Variants in WWOX observed in about 807,000 individuals in gnomAD.
WWOX encodes WW domain-containing oxidoreductase.
In WWOX, 69 loss-of-function variants were observed where a neutral mutation model predicts 46.2. The observed-to-expected ratio is 1.49, with a 90% CI of 1.23 to 1.82. WWOX has a LOEUF of 1.82. Among genes scored for constraint, WWOX ranks in the 40% most tolerant of loss-of-function variants. WWOX has a pLI of 0.00. For missense variants in WWOX, 919 were observed against 542.6 expected, an observed-to-expected ratio of 1.69 and a Z score of -6.89; for synonymous variants, 359 against 202.6, an observed-to-expected ratio of 1.77 and a Z score of -6.56.
chr16:78,747,875 G>C (rs1203571348), intron 8 of WWOX, among the ~76,000 whole-genome samples: 5 of 152,224 alleles, frequency 3.3e-5, no homozygotes, highest in African/African-American at 1.2e-4. Context: ...CTCTGCCTCA[G>C]TTTTTCCACC....
chr16:78,930,107 C>T (rs981644385), intron 8 of WWOX, among the ~76,000 whole-genome samples: 1 of 151,914 alleles, frequency 6.6e-6, no homozygotes, highest in Non-Finnish European at 1.5e-5. Context: ...CCCTTCCTGC[C>T]GTCTGGGATG....
rs1211493153 is a variant in WWOX, at chr16:78,345,813, G to T, written c.517-41047G>T. 5.1e-5 allele frequency among the ~76,000 whole-genome samples: 6 copies of T among 118,644 alleles called. 2 individuals carry two copies. Among genetic ancestry groups the T allele is most frequent in the Non-Finnish European group, 1.2e-4 (6 of 50,130 alleles). 77.8% of individuals were successfully genotyped at this position (118,644 alleles called of 152,430 possible). A position where few individuals can be genotyped will look rare whatever the true frequency, so the allele number is the denominator to read the frequency against. On this transcript the variant is annotated intron_variant, in intron 5 of 8. Transcript: ENST00000566780. ...ATATTTTTTAAAGGAAAAATTTGAG[G>T]CATTGACACATGCCTTTTGCTTACT...
chr16:78,730,617 A>ATTTTT (rs536906826), intron 8 of WWOX, among the ~76,000 whole-genome samples: 4,080 of 122,844 alleles, frequency 0.033, 180 homozygotes, highest in Admixed American at 0.12. Context: ...ACGCCCGGCA[A>ATTTTT]TTTTTTTTTT....
intron 8 of WWOX, among the ~76,000 whole-genome samples, chr16:79,091,149 G>A (rs932412630): frequency 6.6e-6 from 1 of 152,176 alleles, no homozygotes; most frequent in Admixed American, 6.5e-5. Flanking sequence ...ATTTGGTTCT[G>A]CCCAGTGACC....
At chr16:79,168,189 C>T (rs1237722825) in intron 8 of WWOX, among the ~76,000 whole-genome samples, 1 of 152,136 alleles carries the variant, frequency 6.6e-6, no homozygotes, top group African/African-American at 2.4e-5. Flanking sequence ...TTGCCATAAA[C>T]ATTTGTATAC....
intron 8 of WWOX, among the ~76,000 whole-genome samples, chr16:78,880,716 G>T (rs1367842090): frequency 6.6e-6 from 1 of 152,216 alleles, no homozygotes; most frequent in Non-Finnish European, 1.5e-5. Context: ...GTTCACATAA[G>T]TGTGAGTGAC....
At chr16:78,304,513 T>C (rs569602871) in intron 5 of WWOX, among the ~76,000 whole-genome samples, 9 of 152,304 alleles carry the variant, frequency 5.9e-5, no homozygotes, top group African/African-American at 2.2e-4. Flanking sequence ...CTTAGTAAAA[T>C]GTCTGCAGGG....
At chr16:78,126,712 C>T (rs2033377144) in intron 4 of WWOX, among the ~76,000 whole-genome samples, 3 of 152,174 alleles carry the variant, frequency 2.0e-5, no homozygotes, top group Admixed American at 2.0e-4. Flanking sequence ...CTTTTAAGCA[C>T]ACATCTTGTC....
intron 8 of WWOX, among the ~76,000 whole-genome samples, chr16:78,553,590 G>C (rs1279853785): frequency 2.0e-5 from 3 of 152,142 alleles, no homozygotes; most frequent in Non-Finnish European, 4.4e-5. Context: ...AAGCCTACAA[G>C]GGAGCAGGTT....
chr16:78,941,679 C>T (rs994141526), intron 8 of WWOX, among the ~76,000 whole-genome samples: 7 of 152,026 alleles, frequency 4.6e-5, no homozygotes, highest in Non-Finnish European at 8.8e-5. Context: ...TTTGCATCCC[C>T]CCTACTCACA....
intron 8 of WWOX, among the ~76,000 whole-genome samples, chr16:78,637,505 A>C (rs994181125): frequency 1.3e-5 from 2 of 152,086 alleles, no homozygotes; most frequent in Non-Finnish European, 2.9e-5. Flanking sequence ...ATACCCAGCC[A>C]ATGGTCCACA....
chr16:78,404,262 T>G (rs1387852450), intron 6 of WWOX, among the ~76,000 whole-genome samples: 2 of 152,166 alleles, frequency 1.3e-5, no homozygotes, highest in Non-Finnish European at 2.9e-5. Flanking sequence ...CTGGGAGATT[T>G]CACCAGTGGT....
intron 8 of WWOX, among the ~76,000 whole-genome samples, chr16:78,926,082 G>A (rs1259821945): frequency 1.3e-5 from 2 of 152,188 alleles, no homozygotes; most frequent in African/African-American, 4.8e-5. Context: ...CTTGGTAGAG[G>A]TTTACAGCCA....
At chr16:78,585,763 C>G (rs745858576) in intron 8 of WWOX, among the ~76,000 whole-genome samples, 1 of 151,390 alleles carries the variant, frequency 6.6e-6, no homozygotes, top group African/African-American at 2.4e-5. Flanking sequence ...TGGTCCCTTC[C>G]CCTGCAACCC....
chr16:78,257,112 G>T (rs916204800), intron 5 of WWOX, among the ~76,000 whole-genome samples: 1 of 151,882 alleles, frequency 6.6e-6, no homozygotes, highest in Non-Finnish European at 1.5e-5. Context: ...TCGTGGCGTG[G>T]GGTCTTCATC....
intron 8 of WWOX, among the ~76,000 whole-genome samples, chr16:79,139,849 TACTA>T (rs2050054878): frequency 6.6e-6 from 1 of 152,220 alleles, no homozygotes; most frequent in African/African-American, 2.4e-5. Flanking sequence ...CTAAAACTGA[TACTA>T]ATTCTGTTAC....
intron 8 of WWOX, among the ~76,000 whole-genome samples, chr16:78,658,528 G>C (rs1284778370): frequency 1.3e-5 from 2 of 152,190 alleles, no homozygotes; most frequent in African/African-American, 2.4e-5. Context: ...GGTGTTGGCA[G>C]AGTTGGTTCC....
intron 8 of WWOX, among the ~76,000 whole-genome samples, chr16:79,145,330 G>A (rs964249502): frequency 6.6e-6 from 1 of 152,114 alleles, no homozygotes; most frequent in Non-Finnish European, 1.5e-5. Flanking sequence ...AAAATTGGGA[G>A]AAAGGAAAAC....
At chr16:78,674,845 G>C (rs971285653) in intron 8 of WWOX, among the ~76,000 whole-genome samples, 1 of 149,104 alleles carries the variant, frequency 6.7e-6, no homozygotes, top group Non-Finnish European at 1.5e-5. Flanking sequence ...TTTTTTTCTG[G>C]AAGAAAGAGC....
Sources: allele counts gnomAD v4.1 joint callset (sites outside exome capture counted in the v4.1 genomes callset), GRCh38; gene constraint gnomAD v4.1.1; transcripts MANE v1.5; gene names NCBI Gene and HGNC (gene_info 2026-07-23, HGNC 2026-07-21).